MAP3K4: variants seen among roughly 807,000 people sequenced by gnomAD.
MAP3K4 encodes MAP three kinase 1.
In MAP3K4, 67 loss-of-function variants were observed where a neutral mutation model predicts 185.6. The observed-to-expected ratio is 0.36, with a 90% CI of 0.30 to 0.44. The LOEUF (loss-of-function observed/expected upper bound fraction) is 0.44. MAP3K4 is among the 20% of genes least tolerant of loss of function. The pLI is 1.00. For synonymous variants in MAP3K4, 702 were observed against 710.4 expected, an observed-to-expected ratio of 0.99 and a Z score of 0.19; for missense variants, 1,551 against 1,995.1, an observed-to-expected ratio of 0.78 and a Z score of 4.24.
At chr6:161,005,562 G>C (rs1190709811) in intron 1 of MAP3K4, among the ~76,000 whole-genome samples, 1 of 152,024 alleles carries the variant, frequency 6.6e-6, no homozygotes, top group East Asian at 1.9e-4. Flanking sequence ...AGAGACCTTG[G>C]AAATTATCTT....
At position 161,097,967 on chromosome 6, in the gene MAP3K4, T is replaced by G. The variant is rs1777645026; in HGVS notation, c.3525-311T>G. 6.6e-6 allele frequency among the ~76,000 whole-genome samples: 1 copy of G among 151,622 alleles called. No individual in the cohort carries two copies. Among genetic ancestry groups the G allele is most frequent in the Non-Finnish European group, 1.5e-5 (1 of 67,874 alleles). ...CTGGGTATGGTGGCCGTGCCTGTAGTCCCAGCTACTCAGGAGGCTGAGGCA... is the reference window on the plus strand; with the variant it reads ...CTGGGTATGGTGGCCGTGCCTGTAGGCCCAGCTACTCAGGAGGCTGAGGCA... On this transcript the variant is annotated intron_variant, in intron 16 of 26. Transcript: ENST00000392142. This position sits in a 1 kb window ranked among gnomAD's most constrained non-coding sequence, Gnocchi z 4.9.
intron 1 of MAP3K4, among the ~76,000 whole-genome samples, chr6:161,006,893 T>G (rs1781609794): frequency 6.6e-6 from 1 of 152,002 alleles, no homozygotes; most frequent in South Asian, 2.1e-4. Context: ...TGATTTGAGC[T>G]CAAAGTAGAC....
Position 161,048,697 on chromosome 6 carries a change from A to G in MAP3K4, c.425A>G (p.Gln142Arg). ...AATGTGGAAGAATACAGCTATAAGC[A>G]GGAGAAAAAGATCCGAGCAGCTCTT... ...VENVEEYSYKQEKKIRAALRT... is the reference protein window; with the variant it reads ...VENVEEYSYKREKKIRAALRT... The change falls in exon 3 of 27, where the codon CAG becomes CGG. Residue 142 changes from glutamine to arginine, a missense_variant. Around this residue, in one of 16 missense-constraint regions of MAP3K4, gnomAD observed 287 missense variants for 268.8 expected, o/e 1.07. Transcript: ENST00000392142. The surrounding 1 kb of genome is among the most constrained non-coding windows in gnomAD (Gnocchi z 4.7). 1 of 1,614,038 alleles carries G rather than the reference A, an allele frequency of 6.2e-7. No homozygotes were observed. Among genetic ancestry groups the G allele is most frequent in the Non-Finnish European group, 8.5e-7 (1 of 1,179,926 alleles).
chr6:161,085,072 G>A (rs11757205), intron 7 of MAP3K4, among the ~76,000 whole-genome samples: 2 of 151,864 alleles, frequency 1.3e-5, no homozygotes, highest in Non-Finnish European at 1.5e-5. Flanking sequence ...CTTGAACCCA[G>A]GAGGCAGAGG....
intron 1 of MAP3K4, among the ~76,000 whole-genome samples, chr6:161,013,660 C>CGTTACATCTCTAGTGG (rs1781952062): frequency 6.6e-6 from 1 of 152,192 alleles, no homozygotes. Context: ...GAAGAGGCAA[C>CGTTACATCTCTAGTGG]GTTACATCTC....
chr6:161,059,810 TATC>T (rs1308820555), intron 3 of MAP3K4, among the ~76,000 whole-genome samples: 1 of 152,104 alleles, frequency 6.6e-6, no homozygotes. Flanking sequence ...GTCCATGTGT[TATC>T]ATTGTTCATT....
Position 161,112,751 on chromosome 6 carries a change from G to A in MAP3K4, c.4603G>A (p.Val1535Ile), listed in dbSNP as rs752797219. The A allele has an allele frequency of 6.2e-7, 1 of 1,605,480 alleles. No individual in the cohort carries two copies. The highest frequency in any genetic ancestry group is 8.5e-7 in the Non-Finnish European group (1 of 1,176,826). The change falls in exon 25 of 27, where the codon GTC becomes ATC. Residue 1535 changes from valine (V) to isoleucine (I), a missense_variant. Physicochemically the swap from Val to Ile is conservative, Grantham distance 29 (BLOSUM62 3). Transcript: ENST00000392142. The surrounding 1 kb of genome is among the most constrained non-coding windows in gnomAD (Gnocchi z 5.1). ...CGACATCTGGAGTCTGGGGTGTGTT[G>A]TCATAGAGATGGTGACTGGCAAGGT... is the stretch of plus-strand genomic sequence containing the variant. The part of the protein sequence containing the change: ...AADIWSLGCV[V>I]IEMVTGKRPW...
intron 3 of MAP3K4, among the ~76,000 whole-genome samples, chr6:161,069,384 A>G (rs1217335162): frequency 1.3e-5 from 2 of 152,182 alleles, no homozygotes; most frequent in East Asian, 1.9e-4. Flanking sequence ...TTTGAAGTGG[A>G]AAATAAAGAG....
At chr6:161,057,032 G>C (rs1385260580) in intron 3 of MAP3K4, among the ~76,000 whole-genome samples, 1 of 152,066 alleles carries the variant, frequency 6.6e-6, no homozygotes, top group Admixed American at 6.5e-5. Context: ...GTAATGTAAT[G>C]TACAAAATGT....
chr6:161,064,848 A>G lies in MAP3K4; in HGVS notation c.1708-5760A>G, dbSNP rs9458111. ...TACACGGCACGCCTACAGGCCGCTC[A>G]TGCAGAGGTCAGGAAGTGCAGACAG... On this transcript the variant is annotated intron_variant, in intron 3 of 26. Transcript: ENST00000392142. This position sits in a 1 kb window ranked among gnomAD's most constrained non-coding sequence, Gnocchi z 4.3. Among the ~76,000 whole-genome samples, 5,254 of 152,296 alleles carry G rather than the reference A, an allele frequency of 0.034. 203 individuals carry two copies. Among genetic ancestry groups the G allele is most frequent in the African/African-American group, 0.095 (3,962 of 41,546 alleles).
At position 161,087,214 on chromosome 6, in the gene MAP3K4, G is replaced by A. The variant is rs536614078; in HGVS notation, c.2557-474G>A. 2.6e-4 allele frequency among the ~76,000 whole-genome samples: 39 copies of A among 152,280 alleles called. No individual in the cohort carries two copies. The highest frequency in any genetic ancestry group is 2.0e-3 in the Admixed American group (31 of 15,302). On this transcript the variant is annotated intron_variant, in intron 9 of 26. Transcript: ENST00000392142. The surrounding 1 kb of genome is among the most constrained non-coding windows in gnomAD (Gnocchi z 4.9). ...GAGAGTGGGAGGGATGACCTGCAGC[G>A]TGCCACCACATGTGTACCCTTTGAG...
rs1440147700 is a variant in MAP3K4 at position 161,080,574 on chromosome 6, T to A, written c.2098-307T>A. ...TTGACAGTACATTCATAATGAAAAG[T>A]TCTGGGTACTGTTCTTTTGATTTTT... On this transcript the variant is annotated intron_variant, in intron 5 of 26. Coordinates refer to ENST00000392142, the MANE Select transcript of MAP3K4 (RefSeq NM_005922.4). This position sits in a 1 kb window ranked among gnomAD's most constrained non-coding sequence, Gnocchi z 4.8. The A allele has an allele frequency of 2.7e-5, 9 of 333,792 alleles. No homozygotes were observed. The highest frequency in any genetic ancestry group is 2.0e-4 in the Admixed American group (4 of 20,296). 20.7% of individuals were successfully genotyped at this position (333,792 alleles called of 1,614,324 possible).
rs1402680750 is a variant in MAP3K4, at chr6:161,037,427, A to AT, written c.343+2984dup. 1.3e-5 allele frequency among the ~76,000 whole-genome samples: 2 copies of AT among 151,562 alleles called. No individual in the cohort carries two copies. Among genetic ancestry groups the AT allele is most frequent in the Non-Finnish European group, 2.9e-5 (2 of 67,906 alleles). On this transcript the variant is annotated intron_variant, in intron 2 of 26. Coordinates refer to ENST00000392142, the MANE Select transcript of MAP3K4 (RefSeq NM_005922.4). The surrounding 1 kb of genome is among the most constrained non-coding windows in gnomAD (Gnocchi z 4.2). The stretch of plus-strand genomic sequence containing the variant: ...TTATTGTAAACTCAGGATTTCTTTT[A>AT]TTTTTTCTGAGACGGAGTTTCACTC...
At chr6:161,038,013 C>T (rs937994296) in intron 2 of MAP3K4, among the ~76,000 whole-genome samples, 2 of 151,978 alleles carry the variant, frequency 1.3e-5, no homozygotes, top group Non-Finnish European at 2.9e-5. Context: ...TTCCTTCCTT[C>T]CATCCTTCCT....
At chr6:161,030,597 T>C (rs1459405754) in intron 1 of MAP3K4, among the ~76,000 whole-genome samples, 1 of 152,026 alleles carries the variant, frequency 6.6e-6, no homozygotes. Flanking sequence ...GTATTTTTTG[T>C]AGAGATGGGG....
chr6:161,098,502 G>GC lies in MAP3K4; in HGVS notation c.3674+75_3674+76insC. 6.7e-7 allele frequency: 1 copy of GC among 1,500,004 alleles called. No individual in the cohort carries two copies. The allele number at this position is 1,500,004 out of a possible 1,614,324, so 92.9% of individuals were successfully genotyped here. ...CTTACACAGCAACCATAGTGTTAGG[G>GC]TGTGTGCCGGCTGTGGTTGGGCTTC... On this transcript the variant is annotated intron_variant, in intron 17 of 26. Transcript: ENST00000392142. The surrounding 1 kb of genome is among the most constrained non-coding windows in gnomAD (Gnocchi z 4.4).
In MAP3K4 at chr6:161,074,697, G is replaced by A. The variant is rs991146368; in HGVS notation, c.2097+1085G>A. Among the ~76,000 whole-genome samples the A allele has an allele frequency of 4.4e-4, 67 of 152,296 alleles. No individual in the cohort carries two copies. The highest frequency in any genetic ancestry group is 1.3e-3 in the African/African-American group (55 of 41,562). ...TTAGGGTATATGCATAGATGATTAC[G>A]TAATGTGACAGGTTAATGAAATAAT... On this transcript the variant is annotated intron_variant, in intron 5 of 26. Transcript: ENST00000392142. This position sits in a 1 kb window ranked among gnomAD's most constrained non-coding sequence, Gnocchi z 5.0.
rs193245730 is a variant in MAP3K4, at chr6:161,084,788, T to C, written c.2372+171T>C. Among the ~76,000 whole-genome samples, 371 of 152,376 alleles carry C rather than the reference T, an allele frequency of 2.4e-3. 1 individual carries two copies. The highest frequency in any genetic ancestry group is 8.6e-3 in the African/African-American group (359 of 41,586). ...CTGCCTTGTCTTTTCATGTGATTTC[T>C]TAGTTATGGTTTTATGTGAAATTTT... is the stretch of plus-strand genomic sequence containing the variant. On this transcript the variant is annotated intron_variant, in intron 7 of 26. Coordinates refer to ENST00000392142, the MANE Select transcript of MAP3K4 (RefSeq NM_005922.4). The surrounding 1 kb of genome is among the most constrained non-coding windows in gnomAD (Gnocchi z 4.6).
At position 161,089,303 on chromosome 6, in the gene MAP3K4, T is replaced by C. The variant is rs1376827619; in HGVS notation, c.2824-19T>C. On this transcript the variant is annotated intron_variant, in intron 10 of 26. Transcript: ENST00000392142. ...TAACTGGGTTGGTTTTTATGTCCTG[T>C]GCTTGATTTTCCTCCCAGGTGGATA... The C allele has an allele frequency of 6.2e-7, 1 of 1,610,252 alleles. No individual in the cohort carries two copies. Among genetic ancestry groups the C allele is most frequent in the Non-Finnish European group, 8.5e-7 (1 of 1,178,868 alleles).
Sources: gnomAD v4.1 joint callset for allele counts (sites outside exome capture counted in the v4.1 genomes callset) on GRCh38, gnomAD v4.1.1 for gene constraint, gnomAD v4.1.1 regional missense constraint, Gnocchi (gnomAD v3.1) non-coding constraint, MANE v1.5 for transcripts, NCBI Gene and HGNC (gene_info 2026-07-23, HGNC 2026-07-21) for gene names.